The following ETFA variants were observed in gnomAD, a reference collection of about 807,000 sequenced individuals.
ETFA encodes the protein electron transfer flavoprotein subunit alpha.
ETFA carries 22 observed loss-of-function variants against 46.2 expected under a neutral mutation model. The ratio of observed to expected loss-of-function variants is 0.48; its 90% CI spans 0.34 to 0.68. The LOEUF (loss-of-function observed/expected upper bound fraction) is 0.68. Among genes scored for constraint, ETFA ranks in the 30% least tolerant of loss-of-function variants. The probability of loss-of-function intolerance (pLI) is 0.01; values close to 1 mark genes in which losing one functional copy is unlikely to be tolerated. For missense variants in ETFA, 345 were observed against 401.1 expected (o/e 0.86, Z 1.19); for synonymous variants, 131 against 139.9 (o/e 0.94, Z 0.45).
chr15:76,272,813 C>CAT (rs71143306), intron 9 of ETFA, among the ~76,000 whole-genome samples: 5,922 of 137,512 alleles, frequency 0.043, 603 homozygotes, highest in African/African-American at 0.15. Flanking sequence ...AAAATATATA[C>CAT]ATATATATAT....
intron 1 of ETFA, among the ~76,000 whole-genome samples, chr15:76,296,914 G>A (rs982928179): frequency 6.6e-6 from 1 of 152,186 alleles, no homozygotes; most frequent in Non-Finnish European, 1.5e-5. Flanking sequence ...AGTCAAGTGG[G>A]GAAGGAAGGA....
intron 10 of ETFA, among the ~76,000 whole-genome samples, chr15:76,226,583 A>AAAAT (rs1269112396): frequency 1.3e-5 from 2 of 151,244 alleles, no homozygotes; most frequent in African/African-American, 4.9e-5. Context: ...AACAAAAATA[A>AAAAT]AAATAAATAA....
intron 9 of ETFA, among the ~76,000 whole-genome samples, chr15:76,272,805 A>AATATAT (rs1379336424): frequency 2.2e-4 from 17 of 78,490 alleles, no homozygotes; most frequent in Non-Finnish European, 4.1e-4. Context: ...TGTCTCTTAA[A>AATATAT]ATATATACAT....
chr15:76,255,175 CTG>C (rs2039336448), intron 9 of ETFA, among the ~76,000 whole-genome samples: 1 of 152,110 alleles, frequency 6.6e-6, no homozygotes, highest in African/African-American at 2.4e-5. Context: ...CTAAAAAATA[CTG>C]TGTGAAATAA....
At chr15:76,265,476 A>C (rs1567208809) in intron 9 of ETFA, among the ~76,000 whole-genome samples, 1 of 152,236 alleles carries the variant, frequency 6.6e-6, no homozygotes, top group East Asian at 1.9e-4. Context: ...TTTGTATAGT[A>C]ACTATTCAGA....
At position 76,311,404 on chromosome 15, in the gene ETFA, C is replaced by G. The variant is rs1282638148; in HGVS notation, c.-16G>C. The G allele has an allele frequency of 1.3e-6, 2 of 1,556,944 alleles. No homozygotes were observed. The highest frequency in any genetic ancestry group is 1.7e-6 in the Non-Finnish European group (2 of 1,151,856). ...CTCGGAACATGGTCTCCGCTTCCGC[C>G]GCAACCTCGGCCTTACAGCAGCCCC... is the stretch of plus-strand genomic sequence containing the variant. On this transcript the variant is annotated 5_prime_UTR_variant, in exon 1 of 12. Transcript: ENST00000557943.
Position 76,285,003 on chromosome 15 carries a change from T to C in ETFA, c.664+634A>G, listed in dbSNP as rs186055794. 41 of 302,980 alleles carry C rather than the reference T, an allele frequency of 1.4e-4. No homozygotes were observed. In the Middle Eastern group the frequency reaches 2.2e-3, roughly 16 times the overall value. 18.8% of individuals were successfully genotyped at this position (302,980 alleles called of 1,614,324 possible). On this transcript the variant is annotated intron_variant, in intron 7 of 11. Coordinates refer to ENST00000557943, the MANE Select transcript of ETFA (RefSeq NM_000126.4). Reference sequence around the variant, plus strand: ...AATATTAATTTTTTTTTCTCAATGATACTTGCAATAGAAGGCTGTCTGAAA... The same window carrying C: ...AATATTAATTTTTTTTTCTCAATGACACTTGCAATAGAAGGCTGTCTGAAA...
At chr15:76,258,084 C>T (rs894989471) in intron 9 of ETFA, among the ~76,000 whole-genome samples, 17 of 150,818 alleles carry the variant, frequency 1.1e-4, no homozygotes, top group Admixed American at 5.9e-4. Flanking sequence ...GACGAGTTAA[C>T]GGGTGCAGCA....
At chr15:76,278,273 C>T (rs1020752204) in intron 8 of ETFA, among the ~76,000 whole-genome samples, 3 of 152,124 alleles carry the variant, frequency 2.0e-5, no homozygotes, top group Non-Finnish European at 2.9e-5. Flanking sequence ...TCTTTCTGAC[C>T]TCCTCTTTCC....
Position 76,296,731 on chromosome 15 carries a change from A to C in ETFA, c.40-994T>G, listed in dbSNP as rs2039827820. 2.0e-5 allele frequency among the ~76,000 whole-genome samples: 3 copies of C among 152,212 alleles called. No individual in the cohort carries two copies. The South Asian group carries it at 6.2e-4, about 31-fold the overall frequency. On this transcript the variant is annotated intron_variant, in intron 1 of 11. Coordinates refer to ENST00000557943, the MANE Select transcript of ETFA (RefSeq NM_000126.4). The stretch of plus-strand genomic sequence containing the variant: ...AATGCAGACTATCAAGAAACCACCA[A>C]TCATTCATGGTCATGTGGAATAATT...
At chr15:76,296,064 G>A (rs1406480631) in intron 1 of ETFA, among the ~76,000 whole-genome samples, 1 of 147,270 alleles carries the variant, frequency 6.8e-6, no homozygotes, top group Non-Finnish European at 1.5e-5. Context: ...TCCCGCCTCC[G>A]CCTCCTGAGT....
intron 9 of ETFA, among the ~76,000 whole-genome samples, chr15:76,264,269 A>C (rs2039448363): frequency 6.6e-6 from 1 of 152,242 alleles, no homozygotes; most frequent in Admixed American, 6.5e-5. Context: ...CCGTCCCAGT[A>C]CTTGCAGTTT....
chr15:76,311,429 C>G lies in ETFA; in HGVS notation c.-41G>C, dbSNP rs770877472. 5.5e-5 allele frequency: 85 copies of G among 1,546,694 alleles called. No homozygotes were observed. The highest frequency in any genetic ancestry group is 6.8e-5 in the African/African-American group (5 of 73,138). ...CGCAACCTCGGCCTTACAGCAGCCCCGTGCCCGGCCAACTGGCGCCGCCTC... is the reference window on the plus strand; with the variant it reads ...CGCAACCTCGGCCTTACAGCAGCCCGGTGCCCGGCCAACTGGCGCCGCCTC... On this transcript the variant is annotated 5_prime_UTR_variant, in exon 1 of 12. Transcript: ENST00000557943.
At chr15:76,222,650 G>C (rs2038968664) in intron 11 of ETFA, among the ~76,000 whole-genome samples, 3 of 152,148 alleles carry the variant, frequency 2.0e-5, no homozygotes, top group Admixed American at 6.5e-5. Context: ...AAATGAGAGA[G>C]AAGGGGAACA....
chr15:76,292,935 A>C (rs1376133054), intron 2 of ETFA, among the ~76,000 whole-genome samples: 1 of 152,192 alleles, frequency 6.6e-6, no homozygotes, highest in African/African-American at 2.4e-5. Context: ...TCAAGAGTTC[A>C]AGACCAGCCT....
chr15:76,255,127 AAC>A (rs2039336164), intron 9 of ETFA, among the ~76,000 whole-genome samples: 1 of 152,204 alleles, frequency 6.6e-6, no homozygotes, highest in South Asian at 2.1e-4. Context: ...TGAAACCGAT[AAC>A]AGAGTTCTCT....
At chr15:76,284,949 C>A (rs961804626) in intron 7 of ETFA, 1 of 396,806 alleles carries the variant, frequency 2.5e-6, no homozygotes. Flanking sequence ...AAAAAGAAAA[C>A]GAAAAACAAG....
rs903002200 is a variant in ETFA, at chr15:76,311,368, C to G, written c.21G>C (p.Pro7=). MFRAAA[P]GQLRRAASLL... is the part of the protein sequence containing the mutation. ...GACTCACCGCCCGCCGGAGCTGCCC[C>G]GGAGCCGCCGCTCGGAACATGGTCT... is the stretch of plus-strand genomic sequence containing the variant. The change falls in exon 1 of 12, where the codon CCG becomes CCC. Residue 7 remains proline (P), a synonymous_variant. Coordinates refer to ENST00000557943, the MANE Select transcript of ETFA (RefSeq NM_000126.4). 9.6e-6 allele frequency: 15 copies of G among 1,561,514 alleles called. No individual in the cohort carries two copies. The highest frequency in any genetic ancestry group is 2.4e-5 in the East Asian group (1 of 42,068).
At chr15:76,233,579 C>T (rs571095476) in intron 9 of ETFA, among the ~76,000 whole-genome samples, 6 of 152,234 alleles carry the variant, frequency 3.9e-5, no homozygotes, top group East Asian at 3.9e-4. Flanking sequence ...CCACCCACCT[C>T]GGCCTCCCAA....
Sources: allele counts gnomAD v4.1 joint callset (sites outside exome capture counted in the v4.1 genomes callset), GRCh38; gene constraint gnomAD v4.1.1; transcripts MANE v1.5; gene names NCBI Gene and HGNC (gene_info 2026-07-23, HGNC 2026-07-21).